DISC1: variants seen among roughly 807,000 people sequenced by gnomAD.
The protein encoded by DISC1 is DISC1 scaffold protein.
In DISC1, 57 loss-of-function variants were observed where a neutral mutation model predicts 84.5. The observed-to-expected ratio is 0.67, with a 90% CI of 0.55 to 0.84. The LOEUF (loss-of-function observed/expected upper bound fraction) is 0.84. Ranked by LOEUF, DISC1 falls within the 40% of genes least tolerant of loss-of-function variation. The pLI is 0.00. For synonymous variants in DISC1, 411 were observed against 415.2 expected, an observed-to-expected ratio of 0.99 and a Z score of 0.12; for missense variants, 1,000 against 1,057.8, an observed-to-expected ratio of 0.95 and a Z score of 0.76.
chr1:231,922,048 T>C (rs2090044606), intron 9 of DISC1, among the ~76,000 whole-genome samples: 1 of 152,180 alleles, frequency 6.6e-6, no homozygotes, highest in Non-Finnish European at 1.5e-5. Context: ...TTGAGGTTAA[T>C]AGAATGCGGC....
rs142964256 is a variant in DISC1, at chr1:232,023,699, G to A, written c.2308-2736G>A. On this transcript the variant is annotated intron_variant, in intron 11 of 12. Transcript: ENST00000439617. ...CTCTGATTTCATATTTGTTGTAGCC[G>A]TAAGATGAAGATTGAGTCATTTGAT... is the stretch of plus-strand genomic sequence containing the variant. 2.2e-3 allele frequency among the ~76,000 whole-genome samples: 341 copies of A among 152,216 alleles called. 9 individuals carry two copies. Among genetic ancestry groups the A allele is most frequent in the Admixed American group, 0.021 (317 of 15,292 alleles).
intron 3 of DISC1, among the ~76,000 whole-genome samples, chr1:231,740,047 A>G (rs1201058569): frequency 6.6e-6 from 1 of 152,204 alleles, no homozygotes; most frequent in Non-Finnish European, 1.5e-5. Context: ...CCAGAGAGGT[A>G]GCTTGTTCCC....
chr1:231,774,859 C>T (rs1452671909), intron 6 of DISC1: 1 of 411,484 alleles, frequency 2.4e-6, no homozygotes, highest in South Asian at 1.7e-5. Context: ...ACTAATTGGA[C>T]ATGATCCTGT....
chr1:232,025,869 AT>A (rs1256994432), intron 11 of DISC1, among the ~76,000 whole-genome samples: 1 of 152,070 alleles, frequency 6.6e-6, no homozygotes, highest in African/African-American at 2.4e-5. Context: ...GTGCTGCATC[AT>A]CCTGCTCTTA....
At chr1:231,832,725 G>A (rs1228431716) in intron 9 of DISC1, among the ~76,000 whole-genome samples, 1 of 146,534 alleles carries the variant, frequency 6.8e-6, no homozygotes, top group East Asian at 2.1e-4. Flanking sequence ...TGTGGAGGGA[G>A]GTATTGAGGA....
At chr1:232,011,706 T>G (rs894578406) in intron 11 of DISC1, among the ~76,000 whole-genome samples, 3 of 142,212 alleles carry the variant, frequency 2.1e-5, no homozygotes, top group Non-Finnish European at 4.4e-5. Context: ...TACGTGACTG[T>G]GTGTATGTCT....
Position 232,040,618 on chromosome 1 carries a change from T to C in DISC1, c.*3787T>C, listed in dbSNP as rs1217386001. On this transcript the variant is annotated 3_prime_UTR_variant, in exon 13 of 13. Coordinates refer to ENST00000439617, the MANE Select transcript of DISC1 (RefSeq NM_018662.3). Reference sequence around the variant, plus strand: ...GGCAGCATGCTCTTAACTAGTGCTCTTCCTAAAGTTCCTTTAATGTCCTTT... The same window carrying C: ...GGCAGCATGCTCTTAACTAGTGCTCCTCCTAAAGTTCCTTTAATGTCCTTT... The C allele has an allele frequency of 6.6e-6, 1 of 152,198 alleles. No homozygotes were observed. Among genetic ancestry groups the C allele is most frequent in the Non-Finnish European group, 1.5e-5 (1 of 68,036 alleles). The allele number at this position is 152,198 out of a possible 1,614,324, so 9.4% of individuals were successfully genotyped here. A position where few individuals can be genotyped will look rare whatever the true frequency, so the allele number is the denominator to read the frequency against.
chr1:231,917,361 A>G (rs2089708850), intron 9 of DISC1, among the ~76,000 whole-genome samples: 2 of 152,212 alleles, frequency 1.3e-5, no homozygotes, highest in Non-Finnish European at 2.9e-5. Flanking sequence ...ACTTTCCATA[A>G]AGAGAATCCA....
At chr1:231,984,285 G>A (rs777244008) in intron 10 of DISC1, among the ~76,000 whole-genome samples, 26 of 152,222 alleles carry the variant, frequency 1.7e-4, no homozygotes, top group South Asian at 1.0e-3. Context: ...AAAATAAAAC[G>A]TGGAGAATAC....
At chr1:231,638,828 T>G (rs1419510065) in intron 1 of DISC1, among the ~76,000 whole-genome samples, 1 of 152,200 alleles carries the variant, frequency 6.6e-6, no homozygotes, top group Non-Finnish European at 1.5e-5. Flanking sequence ...TTGATTAAAA[T>G]GAATAACTAT....
At chr1:231,981,817 C>T (rs1184470123) in intron 10 of DISC1, among the ~76,000 whole-genome samples, 1 of 152,068 alleles carries the variant, frequency 6.6e-6, no homozygotes, top group Admixed American at 6.5e-5. Context: ...TCTGACCAGA[C>T]AGAAAGGGTT....
At chr1:231,684,991 C>T (rs1259639153) in intron 1 of DISC1, 1 of 152,230 alleles carries the variant, frequency 6.6e-6, no homozygotes, top group East Asian at 1.9e-4. Context: ...GCTCGCCTCT[C>T]CAAGAAAGAG....
intron 9 of DISC1, among the ~76,000 whole-genome samples, chr1:231,868,767 C>T (rs1051656841): frequency 6.9e-6 from 1 of 145,002 alleles, no homozygotes; most frequent in Non-Finnish European, 1.5e-5. Flanking sequence ...CAACCATAGT[C>T]CTGGTCACTC....
chr1:231,631,265 A>G (rs2058683812), intron 1 of DISC1, among the ~76,000 whole-genome samples: 1 of 152,254 alleles, frequency 6.6e-6, no homozygotes, highest in South Asian at 2.1e-4. Context: ...CATGCCTCGC[A>G]TAATGACGTT....
At chr1:231,677,346 C>T (rs1195279316) in intron 1 of DISC1, among the ~76,000 whole-genome samples, 1 of 152,196 alleles carries the variant, frequency 6.6e-6, no homozygotes, top group Non-Finnish European at 1.5e-5. Context: ...AACAGATTTT[C>T]CTCCCACAAA....
chr1:231,729,041 T>A (rs1003847650), intron 3 of DISC1, among the ~76,000 whole-genome samples: 12 of 152,138 alleles, frequency 7.9e-5, no homozygotes, highest in African/African-American at 2.7e-4. Context: ...CCTTCCTGTG[T>A]CTATGAGTTC....
At chr1:231,816,381 C>T (rs1276243614) in intron 8 of DISC1, among the ~76,000 whole-genome samples, 4 of 152,110 alleles carry the variant, frequency 2.6e-5, no homozygotes, top group South Asian at 2.1e-4. Context: ...TGTGACTTGT[C>T]GTCTCATTTT....
chr1:231,913,961 C>T (rs1322573077), intron 9 of DISC1, among the ~76,000 whole-genome samples: 1 of 152,170 alleles, frequency 6.6e-6, no homozygotes, highest in Non-Finnish European at 1.5e-5. Flanking sequence ...GAATTTCATA[C>T]AGCTCTAAGT....
intron 9 of DISC1, among the ~76,000 whole-genome samples, chr1:231,834,772 C>A (rs189811311): frequency 6.6e-5 from 10 of 152,108 alleles, no homozygotes; most frequent in African/African-American, 2.4e-4. Flanking sequence ...GGGTTCTTGC[C>A]CCCTAGAAAA....
Sources: allele counts gnomAD v4.1 joint callset (sites outside exome capture counted in the v4.1 genomes callset), GRCh38; gene constraint gnomAD v4.1.1; transcripts MANE v1.5; gene names NCBI Gene and HGNC (gene_info 2026-07-23, HGNC 2026-07-21).